ARID1B: variants seen among roughly 807,000 people sequenced by gnomAD.
ARID1B encodes the protein AT-rich interactive domain-containing protein 1B.
ARID1B carries 30 observed loss-of-function variants against 212.3 expected under a neutral mutation model. The ratio of observed to expected loss-of-function variants is 0.14; its 90% CI spans 0.11 to 0.19. The LOEUF (loss-of-function observed/expected upper bound fraction) is 0.19. ARID1B is among the 10% of genes least tolerant of loss of function. The probability of loss-of-function intolerance (pLI) is 1.00; values close to 1 mark genes in which losing one functional copy is unlikely to be tolerated. For missense variants in ARID1B, 2,891 were observed against 3,204.0 expected (o/e 0.90, Z 2.36); for synonymous variants, 1,402 against 1,301.7 (o/e 1.08, Z -1.66).
intron 4 of ARID1B, chr6:156,943,961 G>A (rs1370279283): frequency 6.6e-6 from 1 of 152,110 alleles, no homozygotes; most frequent in African/African-American, 2.4e-5. Flanking sequence ...TTGGCTGGGA[G>A]ACCTATTCTA....
At chr6:157,010,278 G>GTTTTTTTTTTTTTTTTTTTTTTTT (rs367851681) in intron 4 of ARID1B, among the ~76,000 whole-genome samples, 1 of 102,292 alleles carries the variant, frequency 9.8e-6, no homozygotes, top group Non-Finnish European at 2.0e-5. Context: ...TGCATTGCCT[G>GTTTTTTTTTTTTTTTTTTTTTTTT]TTTTTTTTTT....
Position 156,900,932 on chromosome 6 carries a change from C to T in ARID1B, c.1987-444C>T, listed in dbSNP as rs557396490. ...TATATTCTGACTTTTTCATTCTGAA[C>T]TTAGAAACAAACATACACAAGAAAG... On this transcript the variant is annotated intron_variant, in intron 2 of 19. Transcript: ENST00000636930. Among the ~76,000 whole-genome samples the T allele has an allele frequency of 5.0e-4, 76 of 152,282 alleles. 1 individual carries two copies. Among genetic ancestry groups the T allele is most frequent in the African/African-American group, 1.8e-3 (74 of 41,556 alleles).
intron 2 of ARID1B, among the ~76,000 whole-genome samples, chr6:156,856,672 C>CCTCTCTCTCTCTCTCTCTCTCTCTCT (rs367924636): frequency 9.2e-6 from 1 of 108,728 alleles, no homozygotes; most frequent in African/African-American, 3.7e-5. Context: ...GCATGCATAT[C>CCTCTCTCTCTCTCTCTCTCTCTCTCT]CTCTCTCTCT....
intron 3 of ARID1B, among the ~76,000 whole-genome samples, chr6:156,924,743 G>A (rs1177422204): frequency 6.6e-6 from 1 of 152,148 alleles, no homozygotes; most frequent in Non-Finnish European, 1.5e-5. Context: ...AATTATTTAG[G>A]TAATAAGTTA....
chr6:157,031,024 A>G (rs1359164307), intron 4 of ARID1B, among the ~76,000 whole-genome samples: 1 of 151,940 alleles, frequency 6.6e-6, no homozygotes, highest in Non-Finnish European at 1.5e-5. Context: ...GAGAATTAAT[A>G]AGTAAAAGAG....
intron 4 of ARID1B, among the ~76,000 whole-genome samples, chr6:156,997,301 C>G (rs1778650311): frequency 6.6e-6 from 1 of 152,146 alleles, no homozygotes; most frequent in African/African-American, 2.4e-5. Context: ...TACAGAATTC[C>G]TCTCATGTCT....
chr6:157,070,369 T>G (rs1164813231), intron 4 of ARID1B, among the ~76,000 whole-genome samples: 2 of 152,244 alleles, frequency 1.3e-5, no homozygotes, highest in Non-Finnish European at 2.9e-5. Flanking sequence ...TCTAAATTGC[T>G]AAATATCAAC....
intron 5 of ARID1B, 64 bp from the exon 6 acceptor site, chr6:157,110,408 T>G: frequency 6.9e-7 from 1 of 1,449,728 alleles, no homozygotes; most frequent in Non-Finnish European, 9.7e-7. Flanking sequence ...GTCTTGGTTT[T>G]GCATGACTGC....
At chr6:156,914,194 CTCCCAGCCCT>C (rs111960950) in intron 3 of ARID1B, among the ~76,000 whole-genome samples, 2,429 of 151,088 alleles carry the variant, frequency 0.016, 70 homozygotes, top group African/African-American at 0.056. Flanking sequence ...TACTCCCCAG[CTCCCAGCCCT>C]TCCCAGCCCG....
intron 4 of ARID1B, among the ~76,000 whole-genome samples, chr6:156,988,072 C>G (rs1583087131): frequency 6.6e-6 from 1 of 151,076 alleles, no homozygotes; most frequent in Middle Eastern, 3.5e-3. Flanking sequence ...GCAAAACACT[C>G]TAAAAAAATC....
intron 2 of ARID1B, among the ~76,000 whole-genome samples, chr6:156,840,111 A>G (rs1403944646): frequency 6.6e-6 from 1 of 152,128 alleles, no homozygotes; most frequent in East Asian, 1.9e-4. Context: ...TCCTGTCTCA[A>G]TACCTGGTAG....
Position 157,028,571 on chromosome 6 carries a change from G to A in ARID1B, c.2248-56091G>A, listed in dbSNP as rs185395203. On this transcript the variant is annotated intron_variant, in intron 4 of 19. Coordinates refer to ENST00000636930, the MANE Select transcript of ARID1B (RefSeq NM_001374828.1). ...AGATAACTATATTTTGGTCTATATT[G>A]TTCATGATCTCATAGCCATGTTTTT... Among the ~76,000 whole-genome samples the A allele has an allele frequency of 4.5e-4, 69 of 152,212 alleles. No individual in the cohort carries two copies. The East Asian group carries it at 0.012, about 26-fold the overall frequency.
Position 156,823,572 on chromosome 6 carries a change from C to T in ARID1B, c.1792-5655C>T, listed in dbSNP as rs1263155850. ...TTACTGGTAAGAGAATGTTGTTTCC[C>T]GAACAATGGTTCAAAAGAGGGAAGA... On this transcript the variant is annotated intron_variant, in intron 1 of 19. Transcript: ENST00000636930. Among the ~76,000 whole-genome samples the T allele has an allele frequency of 3.3e-5, 5 of 152,072 alleles. No homozygotes were observed. In the South Asian group the frequency reaches 6.3e-4, roughly 19 times the overall value.
intron 4 of ARID1B, among the ~76,000 whole-genome samples, chr6:157,013,632 ACT>A (rs1264822574): frequency 6.6e-6 from 1 of 152,156 alleles, no homozygotes; most frequent in Non-Finnish European, 1.5e-5. Flanking sequence ...GGTATCCAAC[ACT>A]CACATTAAAC....
At chr6:157,020,124 G>A (rs1780133125) in intron 4 of ARID1B, among the ~76,000 whole-genome samples, 1 of 152,120 alleles carries the variant, frequency 6.6e-6, no homozygotes, top group Non-Finnish European at 1.5e-5. Context: ...AGGAAGGAGG[G>A]AATAGACATA....
intron 4 of ARID1B, among the ~76,000 whole-genome samples, chr6:156,957,197 G>A (rs1794034996): frequency 6.6e-6 from 1 of 152,228 alleles, no homozygotes; most frequent in African/African-American, 2.4e-5. Flanking sequence ...TGGTGAAAGA[G>A]TGCTGTGCAC....
chr6:157,155,228 C>T (rs1232286222), intron 8 of ARID1B, among the ~76,000 whole-genome samples: 1 of 152,154 alleles, frequency 6.6e-6, no homozygotes, highest in African/African-American at 2.4e-5. Flanking sequence ...GTCCTTTTCA[C>T]CATTTGAGGC....
At chr6:157,182,626 C>A (rs768674086) in intron 12 of ARID1B, among the ~76,000 whole-genome samples, 4 of 152,142 alleles carry the variant, frequency 2.6e-5, no homozygotes, top group Non-Finnish European at 5.9e-5. Flanking sequence ...AAAGGGGAGG[C>A]CTTCTTTGTG....
At position 156,790,529 on chromosome 6, in the gene ARID1B, G is replaced by A. The variant is rs140239575; in HGVS notation, c.1791+11058G>A. Among the ~76,000 whole-genome samples the A allele has an allele frequency of 3.9e-5, 6 of 152,284 alleles. No individual in the cohort carries two copies. The East Asian group carries it at 1.2e-3, about 29-fold the overall frequency. ...TGTCTGGCAGACAATTTCCAAATTGGTAAAATGGATCTTTTGCTTCTACTT... is the reference window on the plus strand; with the variant it reads ...TGTCTGGCAGACAATTTCCAAATTGATAAAATGGATCTTTTGCTTCTACTT... On this transcript the variant is annotated intron_variant, in intron 1 of 19. Transcript: ENST00000636930.
Sources: gnomAD v4.1 joint callset for allele counts (sites outside exome capture counted in the v4.1 genomes callset) on GRCh38, gnomAD v4.1.1 for gene constraint, MANE v1.5 for transcripts, NCBI Gene and HGNC (gene_info 2026-07-23, HGNC 2026-07-21) for gene names.